The following WEE2 variants were observed in gnomAD, a reference collection of about 807,000 sequenced individuals.
WEE2 encodes the protein wee1-like protein kinase 2.
WEE2 carries 50 observed loss-of-function variants against 60.1 expected under a neutral mutation model. The observed-to-expected ratio is 0.83, with a 90% CI of 0.66 to 1.05. The LOEUF is 1.05. Ranked by LOEUF, WEE2 falls within the 50% of genes least tolerant of loss-of-function variation. The pLI, the probability that WEE2 is intolerant of heterozygous loss-of-function variation, is 0.00. For missense variants in WEE2, 631 were observed against 684.3 expected (o/e 0.92, Z 0.87); for synonymous variants, 240 against 241.0 (o/e 1.00, Z 0.04).
intron 1 of WEE2, among the ~76,000 whole-genome samples, chr7:141,713,267 T>C (rs1798737657): frequency 6.6e-6 from 1 of 152,202 alleles, no homozygotes; most frequent in African/African-American, 2.4e-5. Flanking sequence ...TGATCAGAAC[T>C]GTAGAAGTCT....
chr7:141,723,016 GAT>G (rs1798944777), intron 5 of WEE2, 116 bp from the exon 6 acceptor site: 1 of 1,324,844 alleles, frequency 7.5e-7, no homozygotes, highest in African/African-American at 1.5e-5. Flanking sequence ...TTGGGGCTTT[GAT>G]ATCTGCAGGA....
At chr7:141,727,137 C>G (rs1190411863) in intron 9 of WEE2, 167 bp from the exon 10 acceptor site, 12 of 659,756 alleles carry the variant, frequency 1.8e-5, no homozygotes, top group Non-Finnish European at 3.1e-5. Flanking sequence ...CATGGACAAT[C>G]CTCCTGCCCC....
chr7:141,721,133 C>G, intron 5 of WEE2, 77 bp downstream of exon 5: 6 of 1,560,404 alleles, frequency 3.8e-6, no homozygotes, highest in Non-Finnish European at 5.3e-6. Context: ...TTTCCCTCCT[C>G]CTCATAGTTC....
In WEE2 at chr7:141,708,928, G is replaced by T. The variant is rs1268810155; in HGVS notation, c.170G>T (p.Trp57Leu). The T allele has an allele frequency of 1.9e-6, 3 of 1,614,016 alleles. No individual in the cohort carries two copies. Among genetic ancestry groups the T allele is most frequent in the African/African-American group, 1.3e-5 (1 of 74,898 alleles). Reference protein sequence around the residue: ...QDSEAKGTPPWTPLSNVHELD... With the variant: ...QDSEAKGTPPLTPLSNVHELD... ...TCAGAGGCAAAGGGTACACCACCTT[G>T]GACTCCCCTTAGCAACGTGCATGAG... is the stretch of plus-strand genomic sequence containing the variant. The change falls in exon 1 of 12, where the codon TGG becomes TTG. Residue 57 changes from tryptophan (W) to leucine (L), a missense_variant. Physicochemically the swap from Trp to Leu is moderately conservative, Grantham distance 61. Coordinates refer to ENST00000397541, the MANE Select transcript of WEE2 (RefSeq NM_001105558.1).
intron 10 of WEE2, 72 bp from the exon 11 acceptor site, chr7:141,729,459 A>C (rs934855170): frequency 1.3e-6 from 2 of 1,577,430 alleles, no homozygotes; most frequent in Admixed American, 1.7e-5. Context: ...AAACATTTAT[A>C]TATTAGTTTT....
intron 1 of WEE2, among the ~76,000 whole-genome samples, chr7:141,713,511 G>C (rs1443453292): frequency 1.3e-5 from 2 of 152,158 alleles, no homozygotes; most frequent in Non-Finnish European, 2.9e-5. Context: ...TGACCTATTT[G>C]TTGGTAGCTG....
At chr7:141,719,539 C>A (rs1474256296) in intron 4 of WEE2, among the ~76,000 whole-genome samples, 1 of 152,322 alleles carries the variant, frequency 6.6e-6, no homozygotes, top group East Asian at 1.9e-4. Context: ...CAATCTCCAC[C>A]TCCTGGGTTC....
At chr7:141,717,649 T>C (rs1310251029) in intron 3 of WEE2, among the ~76,000 whole-genome samples, 2 of 152,234 alleles carry the variant, frequency 1.3e-5, no homozygotes, top group Non-Finnish European at 2.9e-5. Flanking sequence ...GCAATGTGAA[T>C]ATACATATGC....
chr7:141,714,220 C>G lies in WEE2; in HGVS notation c.354C>G (p.Ser118Arg). ...DSPSTPKTML[S>R]RLVISPTGKL... ...TCATCCTCATTCAGACCATGCTGAGCCGGTTGGTGATTTCTCCAACAGGGA... is the reference window on the plus strand; with the variant it reads ...TCATCCTCATTCAGACCATGCTGAGGCGGTTGGTGATTTCTCCAACAGGGA... Residue 118 changes from serine (S) to arginine (R), a missense_variant, in exon 2 of 12, where the codon AGC becomes AGG. Ser to Arg is a moderately radical substitution (Grantham distance 110). Transcript: ENST00000397541. The G allele has an allele frequency of 6.2e-7, 1 of 1,611,032 alleles. No individual in the cohort carries two copies.
intron 11 of WEE2, 65 bp from the exon 12 acceptor site, chr7:141,730,230 C>G (rs1799113972): frequency 7.3e-6 from 11 of 1,503,024 alleles, no homozygotes; most frequent in South Asian, 2.4e-5. Context: ...TTTCTCTTCT[C>G]TATTGTTATA....
intron 3 of WEE2, among the ~76,000 whole-genome samples, chr7:141,717,664 A>G (rs529304957): frequency 2.6e-5 from 4 of 152,230 alleles, no homozygotes; most frequent in African/African-American, 9.6e-5. Context: ...ATATGCGTGT[A>G]TATCTTTAAA....
At chr7:141,724,912 C>T (rs1245050394) in intron 8 of WEE2, 114 bp from the exon 9 acceptor site, 9 of 1,170,448 alleles carry the variant, frequency 7.7e-6, no homozygotes, top group African/African-American at 4.6e-5. Flanking sequence ...CTTTGACCGT[C>T]GTGTCTGTTT....
At chr7:141,730,225 C>G in intron 11 of WEE2, 70 bp from the exon 12 acceptor site, 1 of 1,460,508 alleles carries the variant, frequency 6.8e-7, no homozygotes, top group Non-Finnish European at 9.5e-7. Flanking sequence ...AGCCATTTCT[C>G]TTCTCTATTG....
chr7:141,729,434 C>T (rs1043263218), intron 10 of WEE2, 97 bp from the exon 11 acceptor site: 1 of 1,539,250 alleles, frequency 6.5e-7, no homozygotes, highest in Admixed American at 1.7e-5. Context: ...TCTGTAAATA[C>T]TGAAACAAGA....
chr7:141,711,672 AAGGGATTTGTTAG>A lies in WEE2; in HGVS notation c.343-2536_343-2524del, dbSNP rs1332023584. 2.6e-5 allele frequency: 4 copies of A among 152,354 alleles called. No individual in the cohort carries two copies. The highest frequency in any genetic ancestry group is 9.6e-5 in the African/African-American group (4 of 41,574). 9.4% of individuals were successfully genotyped at this position (152,354 alleles called of 1,614,324 possible). ...CGACCACTTGGTAGAAATACTGCAG[AAGGGATTTGTTAG>A]TCTGTTTGCCTTGCTACAAAGGAAT... On this transcript the variant is annotated intron_variant, in intron 1 of 11. Transcript: ENST00000397541. This position sits in a 1 kb window ranked among gnomAD's most constrained non-coding sequence, Gnocchi z 4.2.
chr7:141,709,432 T>C (rs983091728), intron 1 of WEE2, among the ~76,000 whole-genome samples: 2 of 152,152 alleles, frequency 1.3e-5, no homozygotes, highest in African/African-American at 2.4e-5. Context: ...GCAGTTTACA[T>C]ATGAGAAAAT....
intron 5 of WEE2, among the ~76,000 whole-genome samples, chr7:141,721,786 C>T (rs959209997): frequency 1.3e-5 from 2 of 152,094 alleles, no homozygotes; most frequent in African/African-American, 4.8e-5. Context: ...TTTTAACAAG[C>T]TCCAAAACGC....
At position 141,729,671 on chromosome 7, in the gene WEE2, C is replaced by T; in HGVS notation, c.1676C>T (p.Thr559Ile). 6.2e-7 allele frequency: 1 copy of T among 1,609,418 alleles called. No individual in the cohort carries two copies. Among genetic ancestry groups the T allele is most frequent in the East Asian group, 2.2e-5 (1 of 44,838 alleles). ...GGKSARSSSF[T>I]SGEREPLH ...AAGAGTGCAAGGTCTTCAAGCTTTA[C>T]CTGTGAGTAATCTTCCCCTTAAGAA... The change falls in exon 11 of 12, where the codon ACC becomes ATC. Residue 559 changes from threonine (T) to isoleucine (I), a missense_variant and splice_region_variant. Physicochemically the swap from Thr to Ile is moderately conservative, Grantham distance 89. Transcript: ENST00000397541.
chr7:141,712,687 G>T (rs1002328579), intron 1 of WEE2, among the ~76,000 whole-genome samples: 1 of 152,060 alleles, frequency 6.6e-6, no homozygotes, highest in African/African-American at 2.4e-5. Flanking sequence ...TCCCTGATAT[G>T]AATAATTTTT....
Sources: allele counts gnomAD v4.1 joint callset (sites outside exome capture counted in the v4.1 genomes callset), GRCh38; gene constraint gnomAD v4.1.1; non-coding constraint Gnocchi (gnomAD v3.1); transcripts MANE v1.5; gene names NCBI Gene and HGNC (gene_info 2026-07-23, HGNC 2026-07-21).